The following MOCS3 variants were observed in gnomAD, a reference collection of about 807,000 sequenced individuals.
MOCS3 encodes the protein molybdenum cofactor synthesis 3, also known as adenylyltransferase and sulfurtransferase MOCS3.
A neutral mutation model predicts 8.4 loss-of-function variants in MOCS3; 9 were observed. That is an observed-to-expected ratio of 1.07 (90% CI 0.65 to 1.87). The LOEUF (loss-of-function observed/expected upper bound fraction) is 1.87. Among genes scored for constraint, MOCS3 ranks in the 40% most tolerant of loss-of-function variants. The probability of loss-of-function intolerance (pLI) is 0.00; values close to 1 mark genes in which losing one functional copy is unlikely to be tolerated. For synonymous variants in MOCS3, 294 were observed against 272.0 expected, an observed-to-expected ratio of 1.08 and a Z score of -0.80; for missense variants, 581 against 599.7, an observed-to-expected ratio of 0.97 and a Z score of 0.33.
Position 50,960,143 on chromosome 20 carries a change from T to C in MOCS3, c.1301T>C (p.Leu434Ser). 6.2e-7 allele frequency: 1 copy of C among 1,614,226 alleles called. No individual in the cohort carries two copies. Among genetic ancestry groups the C allele is most frequent in the Non-Finnish European group, 8.5e-7 (1 of 1,180,036 alleles). Reference sequence around the variant, plus strand: ...CAGTCCTTATCAGCAGCTCAAGAGTTAGACCCTTTAACAGTTCGGGATGTT... The same window carrying C: ...CAGTCCTTATCAGCAGCTCAAGAGTCAGACCCTTTAACAGTTCGGGATGTT... Reference protein sequence around the residue: ...ILQSLSAAQELDPLTVRDVVG... With the variant: ...ILQSLSAAQESDPLTVRDVVG... Residue 434 changes from leucine to serine, a missense_variant, in exon 1 of 1, where the codon TTA (leucine) becomes TCA (serine). Leu to Ser is a moderately radical substitution (Grantham distance 145, BLOSUM62 -2). Coordinates refer to ENST00000244051, the MANE Select transcript of MOCS3 (RefSeq NM_014484.5).
Position 50,962,781 on chromosome 20 carries a change from C to T in MOCS3, c.*2556C>T, listed in dbSNP as rs925150277. ...GCCTGGCTGGTCTTGAACTCCTGAC[C>T]TCAGGTGATCTGTGCACCTCAGCCT... On this transcript the variant is annotated 3_prime_UTR_variant, in exon 1 of 1. Transcript: ENST00000244051. 10 of 152,236 alleles carry T rather than the reference C, an allele frequency of 6.6e-5. No individual in the cohort carries two copies. The highest frequency in any genetic ancestry group is 3.1e-3 in the Middle Eastern group (1 of 320). 9.4% of individuals were successfully genotyped at this position (152,236 alleles called of 1,614,324 possible).
rs1436596685 is a variant in MOCS3, at chr20:50,961,707, T to A, written c.*1482T>A. On this transcript the variant is annotated 3_prime_UTR_variant, in exon 1 of 1. Transcript: ENST00000244051. ...TATTTAACAAATTCAAAATTAGTCA[T>A]CACTTTTTAACTGTGAAACATTGTA... 3 of 152,238 alleles carry A rather than the reference T, an allele frequency of 2.0e-5. No homozygotes were observed. Among genetic ancestry groups the A allele is most frequent in the Non-Finnish European group, 2.9e-5 (2 of 68,038 alleles). The allele number at this position is 152,238 out of a possible 1,614,324, so 9.4% of individuals were successfully genotyped here. A position where few individuals can be genotyped will look rare whatever the true frequency, so the allele number is the denominator to read the frequency against.
chr20:50,960,169 G>GT lies in MOCS3; in HGVS notation c.1328dup (p.Leu446ProfsTer18). ...AGACCCTTTAACAGTTCGGGATGTT[G>GT]TGGGGGGCCTCATGGCCTGGGCTGC... On this transcript the variant is annotated frameshift_variant, in exon 1 of 1. Coordinates refer to ENST00000244051, the MANE Select transcript of MOCS3 (RefSeq NM_014484.5). LOFTEE classifies it high-confidence loss of function. 1 of 1,614,188 alleles carries GT rather than the reference G, an allele frequency of 6.2e-7. No individual in the cohort carries two copies. Among genetic ancestry groups the GT allele is most frequent in the Non-Finnish European group, 8.5e-7 (1 of 1,180,010 alleles).
rs765006149 is a variant in MOCS3 at position 50,959,760 on chromosome 20, G to A, written c.918G>A (p.Val306=). 2.6e-5 allele frequency: 42 copies of A among 1,614,134 alleles called. No homozygotes were observed. The highest frequency in any genetic ancestry group is 3.4e-5 in the Non-Finnish European group (40 of 1,180,058). ...DCAACGERPT[V]TDLLDYEAFC... Reference sequence around the variant, plus strand: ...CAGCTTGCGGGGAACGGCCCACTGTGACTGATCTGCTGGACTATGAAGCCT... The same window carrying A: ...CAGCTTGCGGGGAACGGCCCACTGTAACTGATCTGCTGGACTATGAAGCCT... Residue 306 remains valine (V), a synonymous_variant, in exon 1 of 1, where the codon GTG becomes GTA. Transcript: ENST00000244051.
rs752192851 is a variant in MOCS3, at chr20:50,958,965, A to G, written c.123A>G (p.Glu41=). 1.9e-6 allele frequency: 3 copies of G among 1,610,272 alleles called. No homozygotes were observed. Among genetic ancestry groups the G allele is most frequent in the Non-Finnish European group, 2.5e-6 (3 of 1,177,812 alleles). The change falls in exon 1 of 1, where the codon GAA becomes GAG. Residue 41 remains glutamate (E), a synonymous_variant. Transcript: ENST00000244051. ...TGGCTGAGCAGGAACCGCAGCCAGA[A>G]CGGCTGGTTCCGGTGTCGCCGCTGC... ...ALLAEQEPQP[E]RLVPVSPLPP... is the part of the protein sequence containing the mutation.
In MOCS3 at chr20:50,959,118, G is replaced by A. The variant is rs11542753; in HGVS notation, c.276G>A (p.Gly92=). The part of the protein sequence containing the change: ...TACVLIVGCG[G]LGCPLAQYLA... ...GCGTGCTAATCGTGGGCTGCGGTGG[G>A]CTCGGCTGTCCACTAGCGCAGTACT... The change falls in exon 1 of 1, where the codon GGG becomes GGA. Residue 92 remains glycine (G), a synonymous_variant. Transcript: ENST00000244051. The A allele has an allele frequency of 1.4e-3, 2,311 of 1,613,012 alleles. 6 individuals carry two copies. Among genetic ancestry groups the A allele is most frequent in the Middle Eastern group, 7.4e-3 (45 of 6,060 alleles).
chr20:50,959,343 A>G lies in MOCS3; in HGVS notation c.501A>G (p.Leu167=). Residue 167 remains leucine, a synonymous_variant, in exon 1 of 1, where the codon CTA becomes CTG. Transcript: ENST00000244051. Reference sequence around the variant, plus strand: ...AGGCCCTTACGCCAGCCACTGCCCTAGACCTGGTCCGCCGATATGATGTGG... The same window carrying G: ...AGGCCCTTACGCCAGCCACTGCCCTGGACCTGGTCCGCCGATATGATGTGG... ...YTQALTPATA[L]DLVRRYDVVA... is the part of the protein sequence containing the mutation. The G allele has an allele frequency of 6.2e-7, 1 of 1,611,100 alleles. No homozygotes were observed. Among genetic ancestry groups the G allele is most frequent in the Non-Finnish European group, 8.5e-7 (1 of 1,178,686 alleles).
rs1453706385 is a variant in MOCS3, at chr20:50,960,343, A to G, written c.*118A>G. 6.4e-5 allele frequency: 66 copies of G among 1,032,786 alleles called. No homozygotes were observed. The highest frequency in any genetic ancestry group is 8.5e-5 in the Non-Finnish European group (62 of 729,128). 64.0% of individuals were successfully genotyped at this position (1,032,786 alleles called of 1,614,324 possible). On this transcript the variant is annotated 3_prime_UTR_variant, in exon 1 of 1. Coordinates refer to ENST00000244051, the MANE Select transcript of MOCS3 (RefSeq NM_014484.5). Reference sequence around the variant, plus strand: ...TGGGGATTCTACAGTATCTGTGAATACGTGGACTCCTTTTTATAAGGAGTT... The same window carrying G: ...TGGGGATTCTACAGTATCTGTGAATGCGTGGACTCCTTTTTATAAGGAGTT...
In MOCS3 at chr20:50,959,028, C is replaced by A. The variant is rs757624754; in HGVS notation, c.186C>A (p.Arg62=). 1.1e-5 allele frequency: 17 copies of A among 1,612,446 alleles called. No homozygotes were observed. In the East Asian group the frequency reaches 3.8e-4, roughly 36 times the overall value. Residue 62 remains arginine (R), a synonymous_variant, in exon 1 of 1, where the codon CGC becomes CGA. Transcript: ENST00000244051. Reference sequence around the variant, plus strand: ...CTCTGTCCCGAGATGAGATTCTGCGCTATAGCCGGCAGCTAGTGCTGCCCG... The same window carrying A: ...CTCTGTCCCGAGATGAGATTCTGCGATATAGCCGGCAGCTAGTGCTGCCCG... ...KAALSRDEIL[R]YSRQLVLPEL... is the part of the protein sequence containing the mutation.
Position 50,959,066 on chromosome 20 carries a change from A to G in MOCS3, c.224A>G (p.His75Arg). Residue 75 changes from histidine (H) to arginine (R), a missense_variant, in exon 1 of 1, where the codon CAC becomes CGC. Physicochemically the swap from His to Arg is conservative, Grantham distance 29. Transcript: ENST00000244051. ...RQLVLPELGVHGQLRLGTACV... is the reference protein window; with the variant it reads ...RQLVLPELGVRGQLRLGTACV... ...CTAGTGCTGCCCGAGCTGGGCGTGC[A>G]CGGACAGCTGCGCCTGGGGACCGCG... 6.2e-7 allele frequency: 1 copy of G among 1,613,046 alleles called. No individual in the cohort carries two copies. The highest frequency in any genetic ancestry group is 8.5e-7 in the Non-Finnish European group (1 of 1,179,860).
Position 50,960,455 on chromosome 20 carries a change from G to A in MOCS3, c.*230G>A, listed in dbSNP as rs1568780296. On this transcript the variant is annotated 3_prime_UTR_variant, in exon 1 of 1. Transcript: ENST00000244051. Reference sequence around the variant, plus strand: ...ATCATTTTTTTTTTCAGCACACGGAGGATGTCTTGGACATGTGAGATGTAA... The same window carrying A: ...ATCATTTTTTTTTTCAGCACACGGAAGATGTCTTGGACATGTGAGATGTAA... The A allele has an allele frequency of 4.4e-6, 2 of 451,724 alleles. No homozygotes were observed. Among genetic ancestry groups the A allele is most frequent in the Non-Finnish European group, 8.0e-6 (2 of 248,862 alleles). 28.0% of individuals were successfully genotyped at this position (451,724 alleles called of 1,614,324 possible). A position where few individuals can be genotyped will look rare whatever the true frequency, so the allele number is the denominator to read the frequency against.
rs764397853 is a variant in MOCS3, at chr20:50,959,530, C to A, written c.688C>A (p.Pro230Thr). The A allele has an allele frequency of 1.9e-6, 3 of 1,614,154 alleles. No homozygotes were observed. Among genetic ancestry groups the A allele is most frequent in the Non-Finnish European group, 2.5e-6 (3 of 1,180,038 alleles). ...TTGCTATCGCTGCATATTCCCCCAA[C>A]CACCCCCAGCGGAGACAGTGACCAA... The part of the protein sequence containing the change: ...GPCYRCIFPQ[P>T]PPAETVTNCA... Residue 230 changes from proline to threonine, a missense_variant, in exon 1 of 1, where the codon CCA (proline) becomes ACA (threonine). Physicochemically the swap from Pro to Thr is conservative, Grantham distance 38. Coordinates refer to ENST00000244051, the MANE Select transcript of MOCS3 (RefSeq NM_014484.5).
At position 50,959,121 on chromosome 20, in the gene MOCS3, C is replaced by G; in HGVS notation, c.279C>G (p.Leu93=). 1 of 1,613,046 alleles carries G rather than the reference C, an allele frequency of 6.2e-7. No homozygotes were observed. The highest frequency in any genetic ancestry group is 8.5e-7 in the Non-Finnish European group (1 of 1,179,896). ...ACVLIVGCGG[L]GCPLAQYLAA... ...TGCTAATCGTGGGCTGCGGTGGGCT[C>G]GGCTGTCCACTAGCGCAGTACTTGG... The change falls in exon 1 of 1, where the codon CTC becomes CTG. Residue 93 remains leucine, a synonymous_variant. Transcript: ENST00000244051.
Position 50,959,282 on chromosome 20 carries a change from G to T in MOCS3, c.440G>T (p.Arg147Leu). The T allele has an allele frequency of 6.2e-7, 1 of 1,609,942 alleles. No individual in the cohort carries two copies. Among genetic ancestry groups the T allele is most frequent in the South Asian group, 1.1e-5 (1 of 91,056 alleles). ...TTTTCGGCCGCCGCCTCGCTGCGCC[G>T]CCTCAATTCGGCAGTGGAATGCGTG... Reference protein sequence around the residue: ...KAFSAAASLRRLNSAVECVPY... With the variant: ...KAFSAAASLRLLNSAVECVPY... Residue 147 changes from arginine to leucine, a missense_variant, in exon 1 of 1, where the codon CGC (arginine) becomes CTC (leucine). Transcript: ENST00000244051.
rs1474045364 is a variant in MOCS3, at chr20:50,959,005, C to G, written c.163C>G (p.Leu55Val). 2 of 1,610,720 alleles carry G rather than the reference C, an allele frequency of 1.2e-6. No homozygotes were observed. The highest frequency in any genetic ancestry group is 1.7e-6 in the Non-Finnish European group (2 of 1,178,078). Residue 55 changes from leucine (L) to valine (V), a missense_variant, in exon 1 of 1, where the codon CTG becomes GTG. Leu to Val is a conservative substitution (Grantham distance 32, BLOSUM62 1). Coordinates refer to ENST00000244051, the MANE Select transcript of MOCS3 (RefSeq NM_014484.5). Reference protein sequence around the residue: ...PVSPLPPKAALSRDEILRYSR... With the variant: ...PVSPLPPKAAVSRDEILRYSR... The stretch of plus-strand genomic sequence containing the variant: ...GTCGCCGCTGCCGCCGAAGGCCGCT[C>G]TGTCCCGAGATGAGATTCTGCGCTA...
chr20:50,960,501 T>A lies in MOCS3; in HGVS notation c.*276T>A. ...TGTAACGTGACAGGATTTTGCATTT[T>A]AAACTGCAGATCATTTACATGTCCT... On this transcript the variant is annotated 3_prime_UTR_variant, in exon 1 of 1. Transcript: ENST00000244051. 3.0e-6 allele frequency: 1 copy of A among 335,716 alleles called. No individual in the cohort carries two copies. The highest frequency in any genetic ancestry group is 5.7e-6 in the Non-Finnish European group (1 of 174,652). The allele number at this position is 335,716 out of a possible 1,614,324, so 20.8% of individuals were successfully genotyped here.
At position 50,960,278 on chromosome 20, in the gene MOCS3, G is replaced by A; in HGVS notation, c.*53G>A. The stretch of plus-strand genomic sequence containing the variant: ...ATGTGGATTGCCATAATACCTCAAA[G>A]ATACACTTGTTTGCATTTTTCGGTA... On this transcript the variant is annotated 3_prime_UTR_variant, in exon 1 of 1. Coordinates refer to ENST00000244051, the MANE Select transcript of MOCS3 (RefSeq NM_014484.5). 6.6e-7 allele frequency: 1 copy of A among 1,520,432 alleles called. No homozygotes were observed. The highest frequency in any genetic ancestry group is 8.8e-7 in the Non-Finnish European group (1 of 1,131,724). The allele number at this position is 1,520,432 out of a possible 1,614,324, so 94.2% of individuals were successfully genotyped here. A position where few individuals can be genotyped will look rare whatever the true frequency, so the allele number is the denominator to read the frequency against.
Position 50,962,417 on chromosome 20 carries a change from A to C in MOCS3, c.*2192A>C, listed in dbSNP as rs1178123950. On this transcript the variant is annotated 3_prime_UTR_variant, in exon 1 of 1. Transcript: ENST00000244051. The stretch of plus-strand genomic sequence containing the variant: ...AGAGGCTGGGAATTTGTGTTTTGAT[A>C]TCTACAATAGGAAGACAGAACTCAT... 6.6e-6 allele frequency: 1 copy of C among 152,250 alleles called. No individual in the cohort carries two copies. The highest frequency in any genetic ancestry group is 1.9e-4 in the East Asian group (1 of 5,198). The allele number at this position is 152,250 out of a possible 1,614,324, so 9.4% of individuals were successfully genotyped here.
Position 50,960,062 on chromosome 20 carries a change from C to T in MOCS3, c.1220C>T (p.Pro407Leu), listed in dbSNP as rs868254637. 6.2e-7 allele frequency: 1 copy of T among 1,614,262 alleles called. No individual in the cohort carries two copies. The highest frequency in any genetic ancestry group is 1.1e-5 in the South Asian group (1 of 91,088). Residue 407 changes from proline to leucine, a missense_variant, in exon 1 of 1, where the codon CCC becomes CTC. By Grantham distance (98) the Pro-to-Leu change is moderately conservative. Coordinates refer to ENST00000244051, the MANE Select transcript of MOCS3 (RefSeq NM_014484.5). ...GGCACACAAGAAGGGGCTGCTGTCCCCATTTATGTGATTTGCAAACTGGGA... is the reference window on the plus strand; with the variant it reads ...GGCACACAAGAAGGGGCTGCTGTCCTCATTTATGTGATTTGCAAACTGGGA... ...KQGTQEGAAV[P>L]IYVICKLGND... is the part of the protein sequence containing the mutation.
Sources: gnomAD v4.1 joint callset for allele counts on GRCh38, gnomAD v4.1.1 for gene constraint, MANE v1.5 for transcripts, NCBI Gene and HGNC (gene_info 2026-07-23, HGNC 2026-07-21) for gene names.